JARID2: variants seen among roughly 807,000 people sequenced by gnomAD.
The protein encoded by JARID2 is jumonji and AT-rich interaction domain containing 2, also known as protein Jumonji.
A neutral mutation model predicts 125.6 loss-of-function variants in JARID2; 21 were observed. That is an observed-to-expected ratio of 0.17 (90% CI 0.12 to 0.24). The LOEUF is 0.24. Among genes scored for constraint, JARID2 ranks in the 10% least tolerant of loss-of-function variants. The pLI is 1.00. For missense variants in JARID2, 1,303 were observed against 1,639.6 expected (o/e 0.79, Z 3.55); for synonymous variants, 736 against 661.6 (o/e 1.11, Z -1.73).
chr6:15,299,363 G>A (rs1398557159), intron 1 of JARID2, among the ~76,000 whole-genome samples: 1 of 152,280 alleles, frequency 6.6e-6, no homozygotes, highest in South Asian at 2.1e-4. Context: ...GTTTGGTAGA[G>A]GAAGGGATGA....
At chr6:15,282,500 G>C (rs1760791438) in intron 1 of JARID2, among the ~76,000 whole-genome samples, 1 of 151,520 alleles carries the variant, frequency 6.6e-6, no homozygotes, top group Non-Finnish European at 1.5e-5. Flanking sequence ...TATTATATTG[G>C]GTTGTTGGTT....
At position 15,392,039 on chromosome 6, in the gene JARID2, G is replaced by GGTGTGTGTGTGTGTGT. The variant is rs55811028; in HGVS notation, c.181+17811_181+17826dup. ...GGCACCAGTGCAGTGATCCCAGAGT[G>GGTGTGTGTGTGTGTGT]GTGTGTGTGTGTGTGTGTGTGTGTG... On this transcript the variant is annotated intron_variant, in intron 2 of 17. Coordinates refer to ENST00000341776, the MANE Select transcript of JARID2 (RefSeq NM_004973.4). Among the ~76,000 whole-genome samples the GGTGTGTGTGTGTGTGT allele has an allele frequency of 4.5e-3, 554 of 122,792 alleles. 3 individuals are homozygous for GGTGTGTGTGTGTGTGT. The highest frequency in any genetic ancestry group is 0.016 in the African/African-American group (511 of 32,292). The allele number at this position is 122,792 out of a possible 152,430, so 80.6% of individuals were successfully genotyped here.
At chr6:15,511,747 G>A (rs1771289459) in intron 13 of JARID2, among the ~76,000 whole-genome samples, 1 of 152,204 alleles carries the variant, frequency 6.6e-6, no homozygotes, top group Non-Finnish European at 1.5e-5. Flanking sequence ...CATGGGGCTG[G>A]TGAGTTCCTG....
At chr6:15,281,332 A>G (rs114355289) in intron 1 of JARID2, among the ~76,000 whole-genome samples, 508 of 152,366 alleles carry the variant, frequency 3.3e-3, no homozygotes, top group African/African-American at 0.012. Flanking sequence ...ATGTGATGCT[A>G]TTAAGATAAT....
At chr6:15,331,365 CAA>C (rs1284927159) in intron 1 of JARID2, among the ~76,000 whole-genome samples, 3 of 150,188 alleles carry the variant, frequency 2.0e-5, no homozygotes, top group Admixed American at 6.6e-5. Flanking sequence ...ACAAAAAAAA[CAA>C]AAAACCTGTA....
At chr6:15,251,116 AT>A (rs1458821371) in intron 1 of JARID2, among the ~76,000 whole-genome samples, 1 of 151,806 alleles carries the variant, frequency 6.6e-6, no homozygotes, top group Non-Finnish European at 1.5e-5. Context: ...GGTTCAATCG[AT>A]TCTCCTGTCT....
At chr6:15,331,270 G>A (rs1456398334) in intron 1 of JARID2, among the ~76,000 whole-genome samples, 1 of 151,868 alleles carries the variant, frequency 6.6e-6, no homozygotes, top group South Asian at 2.1e-4. Flanking sequence ...GGAGGTCAAG[G>A]CTATAATGAG....
At chr6:15,350,386 G>A (rs1253037384) in intron 1 of JARID2, among the ~76,000 whole-genome samples, 1 of 152,180 alleles carries the variant, frequency 6.6e-6, no homozygotes, top group Non-Finnish European at 1.5e-5. Context: ...CAGTTTCTCC[G>A]TGTCTTGAGC....
intron 1 of JARID2, among the ~76,000 whole-genome samples, chr6:15,282,462 A>G (rs1760789519): frequency 6.6e-6 from 1 of 151,324 alleles, no homozygotes; most frequent in South Asian, 2.1e-4. Flanking sequence ...AGCTGTCCAT[A>G]TTTTTTTTCT....
chr6:15,469,267 T>C (rs1341813474), intron 5 of JARID2, among the ~76,000 whole-genome samples: 1 of 113,456 alleles, frequency 8.8e-6, no homozygotes, highest in East Asian at 2.5e-4. Flanking sequence ...CTTTTCTCTC[T>C]GTCTCTCTGT....
chr6:15,405,456 A>G (rs1765611429), intron 2 of JARID2, among the ~76,000 whole-genome samples: 1 of 152,254 alleles, frequency 6.6e-6, no homozygotes, highest in Non-Finnish European at 1.5e-5. Flanking sequence ...GGTTGCAGGC[A>G]CAGTAACCAA....
At chr6:15,422,921 T>C (rs1766562460) in intron 3 of JARID2, among the ~76,000 whole-genome samples, 1 of 151,930 alleles carries the variant, frequency 6.6e-6, no homozygotes, top group Non-Finnish European at 1.5e-5. Flanking sequence ...GTTGAGTCCA[T>C]CTTGTCTTCT....
chr6:15,281,934 G>C (rs1159518878), intron 1 of JARID2, among the ~76,000 whole-genome samples: 2 of 146,938 alleles, frequency 1.4e-5, no homozygotes, highest in Non-Finnish European at 3.0e-5. Flanking sequence ...CTGTGTGTGT[G>C]TGTGTGTGTG....
At chr6:15,356,526 A>G (rs900429043) in intron 1 of JARID2, among the ~76,000 whole-genome samples, 7 of 152,128 alleles carry the variant, frequency 4.6e-5, no homozygotes, top group African/African-American at 1.4e-4. Flanking sequence ...CACGTAGTAC[A>G]TTGTGTTTCA....
chr6:15,442,559 T>A (rs867579893), intron 3 of JARID2, among the ~76,000 whole-genome samples: 1 of 152,220 alleles, frequency 6.6e-6, no homozygotes, highest in Non-Finnish European at 1.5e-5. Flanking sequence ...AGAAGAGTAT[T>A]TGTGGCTCTT....
Position 15,517,211 on chromosome 6 carries a change from C to G in JARID2, c.3501C>G (p.Arg1167=). The change falls in exon 17 of 18, where the codon CGC becomes CGG. Residue 1167 remains arginine (R), a synonymous_variant. Transcript: ENST00000341776. ...TGTTCTGTCTGGAGTGTGCTCTGCGCCACGTGGAGAAACAGAAGTCCTGCC... is the reference window on the plus strand; with the variant it reads ...TGTTCTGTCTGGAGTGTGCTCTGCGGCACGTGGAGAAACAGAAGTCCTGCC... ...NVVFCLECAL[R]HVEKQKSCRG... is the part of the protein sequence containing the mutation. 6.2e-7 allele frequency: 1 copy of G among 1,614,076 alleles called. No homozygotes were observed.
intron 17 of JARID2, among the ~76,000 whole-genome samples, chr6:15,517,786 C>A (rs1431879635): frequency 6.6e-6 from 1 of 152,230 alleles, no homozygotes; most frequent in Non-Finnish European, 1.5e-5. Flanking sequence ...GCCTGTGCAG[C>A]TGGGGGCCGC....
chr6:15,289,290 G>A (rs1249855334), intron 1 of JARID2, among the ~76,000 whole-genome samples: 1 of 152,212 alleles, frequency 6.6e-6, no homozygotes, highest in Admixed American at 6.5e-5. Flanking sequence ...GGTGCATGCA[G>A]AACACTGTCA....
At chr6:15,475,012 T>C (rs963956678) in intron 5 of JARID2, among the ~76,000 whole-genome samples, 3 of 152,238 alleles carry the variant, frequency 2.0e-5, no homozygotes, top group African/African-American at 7.2e-5. Flanking sequence ...GTCAGACTGC[T>C]GGGATCACCT....
Sources: allele counts gnomAD v4.1 joint callset (sites outside exome capture counted in the v4.1 genomes callset), GRCh38; gene constraint gnomAD v4.1.1; transcripts MANE v1.5; gene names NCBI Gene and HGNC (gene_info 2026-07-23, HGNC 2026-07-21).